The following GFPT1 variants were observed in gnomAD, a reference collection of about 807,000 sequenced individuals.
GFPT1 encodes glutamine--fructose-6-phosphate aminotransferase [isomerizing] 1.
Under a neutral mutation model 92.0 loss-of-function variants are expected in GFPT1, and 40 were observed. The ratio of observed to expected loss-of-function variants is 0.43; its 90% CI spans 0.34 to 0.57. GFPT1 has a LOEUF of 0.57. GFPT1 is among the 20% of genes least tolerant of loss of function. The pLI is 0.02. For missense variants in GFPT1, 448 were observed against 869.1 expected, an observed-to-expected ratio of 0.52 and a Z score of 6.09; for synonymous variants, 269 against 280.6, an observed-to-expected ratio of 0.96 and a Z score of 0.41.
chr2:69,373,230 C>T (rs950228657), intron 2 of GFPT1, among the ~76,000 whole-genome samples: 4 of 152,180 alleles, frequency 2.6e-5, no homozygotes, highest in African/African-American at 7.2e-5. Flanking sequence ...ATCGTCAAAT[C>T]TGAGGATGGT....
At chr2:69,337,808 C>A in intron 15 of GFPT1, 90 bp downstream of exon 15, 1 of 1,074,726 alleles carries the variant, frequency 9.3e-7, no homozygotes, top group Non-Finnish European at 1.4e-6. Flanking sequence ...TAACTGCTAA[C>A]AAAAATAAGA....
chr2:69,357,235 T>C (rs942829947), intron 6 of GFPT1, among the ~76,000 whole-genome samples: 1 of 145,576 alleles, frequency 6.9e-6, no homozygotes, highest in African/African-American at 2.6e-5. Flanking sequence ...GATCCTAAGA[T>C]CAAAATCCAA....
At chr2:69,342,417 A>G (rs779287414) in intron 12 of GFPT1, among the ~76,000 whole-genome samples, 168 bp from the exon 13 acceptor site, 10 of 152,256 alleles carry the variant, frequency 6.6e-5, no homozygotes, top group Non-Finnish European at 2.9e-5. Flanking sequence ...AGTAAATTAA[A>G]TAAGTCACAA....
Position 69,363,580 on chromosome 2 carries a change from A to C in GFPT1, c.314T>G (p.Val105Gly), listed in dbSNP as rs929836832. The C allele has an allele frequency of 6.2e-7, 1 of 1,613,968 alleles. No individual in the cohort carries two copies. The highest frequency in any genetic ancestry group is 8.5e-7 in the Non-Finnish European group (1 of 1,179,832). ...ATCAGAGCGCTGGGGGTGGCTATTGACAGGACTGGGTTCTCCATGTGTTGC... is the reference window on the plus strand; with the variant it reads ...ATCAGAGCGCTGGGGGTGGCTATTGCCAGGACTGGGTTCTCCATGTGTTGC... ...RWATHGEPSP[V>G]NSHPQRSDKN... The change falls in exon 4 of 20, where the codon GTC becomes GGC. Residue 105 changes from valine to glycine, a missense_variant. By Grantham distance (109) the Val-to-Gly change is moderately radical. Transcript: ENST00000357308.
intron 3 of GFPT1, among the ~76,000 whole-genome samples, chr2:69,364,482 CA>C (rs1384117530): frequency 6.6e-6 from 1 of 152,184 alleles, no homozygotes; most frequent in African/African-American, 2.4e-5. Flanking sequence ...AAGTCATTAT[CA>C]ATTTAATTAA....
intron 1 of GFPT1, among the ~76,000 whole-genome samples, chr2:69,386,313 C>T (rs1308670846): frequency 6.6e-6 from 1 of 152,170 alleles, no homozygotes; most frequent in Non-Finnish European, 1.5e-5. Context: ...AATGGATGCA[C>T]ATGCAAGGGA....
intron 9 of GFPT1, among the ~76,000 whole-genome samples, chr2:69,352,635 A>C (rs981548176): frequency 1.3e-4 from 19 of 151,466 alleles, no homozygotes; most frequent in Non-Finnish European, 2.1e-4. Context: ...AAAAAAAAAA[A>C]AACAACTACT....
At chr2:69,376,508 G>C (rs1671874704) in intron 1 of GFPT1, among the ~76,000 whole-genome samples, 1 of 143,140 alleles carries the variant, frequency 7.0e-6, no homozygotes, top group Admixed American at 7.1e-5. Context: ...GACAGAGCGA[G>C]ACTCCATCTC....
At chr2:69,348,680 C>T (rs1489484493) in intron 10 of GFPT1, among the ~76,000 whole-genome samples, 1 of 152,194 alleles carries the variant, frequency 6.6e-6, no homozygotes, top group African/African-American at 2.4e-5. Context: ...AAGCTCCCAT[C>T]AGCTCCTCGG....
chr2:69,327,783 A>T (rs1389136698), intron 18 of GFPT1, among the ~76,000 whole-genome samples: 1 of 152,126 alleles, frequency 6.6e-6, no homozygotes, highest in African/African-American at 2.4e-5. Flanking sequence ...CCAATATGAG[A>T]TCTATGACCT....
chr2:69,338,710 TAA>T lies in GFPT1; in HGVS notation c.1204-147_1204-146del, dbSNP rs11296709. On this transcript the variant is annotated intron_variant, in intron 13 of 19. Transcript: ENST00000357308. ...TAAAAACAACCCAGATTAAAATATT[TAA>T]AAAAAAAAAATCAAAATCCTACCAC... 268 of 669,976 alleles carry T rather than the reference TAA, an allele frequency of 4.0e-4. 1 individual carries two copies. The highest frequency in any genetic ancestry group is 7.5e-4 in the African/African-American group (40 of 53,180). 41.5% of individuals were successfully genotyped at this position (669,976 alleles called of 1,614,324 possible).
rs904401384 is a variant in GFPT1, at chr2:69,325,474, T to C, written c.*715A>G. The C allele has an allele frequency of 1.3e-5, 2 of 152,166 alleles. No individual in the cohort carries two copies. Among genetic ancestry groups the C allele is most frequent in the Non-Finnish European group, 2.9e-5 (2 of 68,012 alleles). 9.4% of individuals were successfully genotyped at this position (152,166 alleles called of 1,614,324 possible). ...TCAAATTTAAAATCATATTGTCAGT[T>C]GTCCAAAGCAGCTTGAATTTAAAGT... On this transcript the variant is annotated 3_prime_UTR_variant, in exon 20 of 20. Coordinates refer to ENST00000357308, the MANE Select transcript of GFPT1 (RefSeq NM_001244710.2).
At chr2:69,365,878 T>TTGTA (rs1280270183) in intron 3 of GFPT1, among the ~76,000 whole-genome samples, 2 of 152,240 alleles carry the variant, frequency 1.3e-5, no homozygotes, top group Admixed American at 1.3e-4. Flanking sequence ...AATGGCGCAA[T>TTGTA]CTTGGCTCAC....
chr2:69,379,760 C>T (rs377419974), intron 1 of GFPT1, among the ~76,000 whole-genome samples: 13 of 151,946 alleles, frequency 8.6e-5, no homozygotes, highest in East Asian at 2.0e-4. Context: ...TTGCTCTTGT[C>T]GCCAAGGCTG....
At chr2:69,381,409 G>C (rs1358363171) in intron 1 of GFPT1, among the ~76,000 whole-genome samples, 1 of 151,346 alleles carries the variant, frequency 6.6e-6, no homozygotes, top group Non-Finnish European at 1.5e-5. Flanking sequence ...CCAAAATGCT[G>C]AGTTCACAAG....
chr2:69,338,205 A>C, intron 14 of GFPT1, 150 bp from the exon 15 acceptor site: 1 of 816,744 alleles, frequency 1.2e-6, no homozygotes, highest in Non-Finnish European at 2.0e-6. Context: ...ATAAAACTTT[A>C]AGTAATATGG....
At chr2:69,379,299 G>A (rs561693945) in intron 1 of GFPT1, among the ~76,000 whole-genome samples, 42 of 152,100 alleles carry the variant, frequency 2.8e-4, no homozygotes, top group Admixed American at 2.3e-3. Context: ...AGGCCAAGGC[G>A]GGAGGATCAT....
intron 1 of GFPT1, among the ~76,000 whole-genome samples, chr2:69,385,524 G>A (rs1672109770): frequency 7.3e-6 from 1 of 136,310 alleles, no homozygotes; most frequent in Admixed American, 7.4e-5. Flanking sequence ...CACGCCCAGC[G>A]CTGATTTATT....
At chr2:69,385,053 C>G (rs1302369922) in intron 1 of GFPT1, among the ~76,000 whole-genome samples, 2 of 152,152 alleles carry the variant, frequency 1.3e-5, no homozygotes, top group East Asian at 3.8e-4. Flanking sequence ...AAAGCAGGAC[C>G]TCAGAAATGC....
Sources: allele counts gnomAD v4.1 joint callset (sites outside exome capture counted in the v4.1 genomes callset), GRCh38; gene constraint gnomAD v4.1.1; transcripts MANE v1.5; gene names NCBI Gene and HGNC (gene_info 2026-07-23, HGNC 2026-07-21).